ECM2: variants seen among roughly 807,000 people sequenced by gnomAD.
The protein encoded by ECM2 is extracellular matrix protein 2, female organ and adipocyte specific.
In ECM2, 57 loss-of-function variants were observed where a neutral mutation model predicts 67.5. The observed-to-expected ratio is 0.84, with a 90% CI of 0.68 to 1.05. The LOEUF (loss-of-function observed/expected upper bound fraction) is 1.05, where lower values mean the gene tolerates loss of function less well. Ranked by LOEUF, ECM2 falls within the 50% of genes least tolerant of loss-of-function variation. The pLI is 0.00. For synonymous variants in ECM2, 258 were observed against 294.5 expected (o/e 0.88, Z 1.27); for missense variants, 741 against 822.8 (o/e 0.90, Z 1.22).
intron 1 of ECM2, among the ~76,000 whole-genome samples, chr9:92,532,725 A>T (rs1444034926): frequency 6.6e-6 from 1 of 151,828 alleles, no homozygotes; most frequent in Non-Finnish European, 1.5e-5. Context: ...TTTTAATCTC[A>T]TCTTTTATTT....
chr9:92,524,479 A>T (rs537248975), intron 1 of ECM2, among the ~76,000 whole-genome samples: 1 of 152,260 alleles, frequency 6.6e-6, no homozygotes, highest in Non-Finnish European at 1.5e-5. Flanking sequence ...CAAAGGATTC[A>T]CTCAGCCAAT....
intron 1 of ECM2, among the ~76,000 whole-genome samples, chr9:92,526,540 A>G (rs1848420436): frequency 6.6e-6 from 1 of 152,014 alleles, no homozygotes; most frequent in Non-Finnish European, 1.5e-5. Context: ...GCAACAGCAA[A>G]CCAAACCCAA....
the ECM2 span, among the ~76,000 whole-genome samples, chr9:92,550,523 A>T: frequency 3.3e-5 from 5 of 152,078 alleles, no homozygotes; most frequent in Admixed American, 6.5e-5. Context: ...ATGACAATTG[A>T]TATAACAAGT....
rs1170305654 is a variant in ECM2 at position 92,495,696 on chromosome 9, A to C, written c.*619T>G. The C allele has an allele frequency of 1.1e-6, 1 of 891,282 alleles. No individual in the cohort carries two copies. Among genetic ancestry groups the C allele is most frequent in the Non-Finnish European group, 1.3e-6 (1 of 744,628 alleles). 55.2% of individuals were successfully genotyped at this position (891,282 alleles called of 1,614,324 possible). A position where few individuals can be genotyped will look rare whatever the true frequency, so the allele number is the denominator to read the frequency against. On this transcript the variant is annotated 3_prime_UTR_variant, in exon 10 of 10. Transcript: ENST00000344604. ...TCTGCCAGCTTTCCTTAATGTTAAC[A>C]ATGTACATAACCATAATATGATTTT...
chr9:92,542,081 T>C, the ECM2 span, among the ~76,000 whole-genome samples: 7 of 152,180 alleles, frequency 4.6e-5, no homozygotes, highest in Non-Finnish European at 7.3e-5. Context: ...CGTGAGCCAC[T>C]GCACCCAGCC....
chr9:92,500,791 T>C lies in ECM2; in HGVS notation c.1867A>G (p.Ile623Val). 1 of 1,614,242 alleles carries C rather than the reference T, an allele frequency of 6.2e-7. No homozygotes were observed. The highest frequency in any genetic ancestry group is 8.5e-7 in the Non-Finnish European group (1 of 1,180,030). ...LFLDHNDLKS[I>V]PPGIQEMKAL... ...TTCATTTCTTGTATCCCAGGTGGTA[T>C]AGATTTTAAGTCATTGTGATCCAGA... Residue 623 changes from isoleucine to valine, a missense_variant, in exon 9 of 10, where the codon ATA (isoleucine) becomes GTA (valine). By Grantham distance (29) the Ile-to-Val change is conservative. Transcript: ENST00000344604.
intron 2 of ECM2, among the ~76,000 whole-genome samples, chr9:92,521,773 GTGGTTGAAAATTTT>G (rs1848085528): frequency 2.0e-5 from 3 of 152,118 alleles, no homozygotes; most frequent in Admixed American, 2.0e-4. Context: ...AATTCTATTT[GTGGTTGAAAATTTT>G]TGGTTGAAAA....
At chr9:92,517,970 C>A in intron 2 of ECM2, 95 bp from the exon 3 acceptor site, 3 of 1,404,116 alleles carry the variant, frequency 2.1e-6, no homozygotes, top group Non-Finnish European at 3.0e-6. Context: ...ACTGCTCTAA[C>A]CACACAAGAA....
rs1846631216 is a variant in ECM2, at chr9:92,500,901, A to G, written c.1757T>C (p.Leu586Ser). Reference protein sequence around the residue: ...FGHMEPGLEYLYLSFNKLADD... With the variant: ...FGHMEPGLEYSYLSFNKLADD... ...AGCAAGTTTGTTAAATGACAGGTAC[A>G]AGTATTCCAGGCCTGGTTCCATGTG... Residue 586 changes from leucine (L) to serine (S), a missense_variant, in exon 9 of 10, where the codon TTG becomes TCG. Coordinates refer to ENST00000344604, the MANE Select transcript of ECM2 (RefSeq NM_001393.4). The G allele has an allele frequency of 8.1e-6, 13 of 1,614,202 alleles. No individual in the cohort carries two copies. Among genetic ancestry groups the G allele is most frequent in the Non-Finnish European group, 1.1e-5 (13 of 1,180,028 alleles).
chr9:92,504,840 CT>C (rs1412121901), intron 7 of ECM2, among the ~76,000 whole-genome samples: 1 of 152,194 alleles, frequency 6.6e-6, no homozygotes, highest in East Asian at 1.9e-4. Flanking sequence ...CACGGTCCAC[CT>C]CAGTGTTTTT....
intron 3 of ECM2, 70 bp from the exon 4 acceptor site, chr9:92,515,273 A>G: frequency 1.4e-6 from 2 of 1,392,682 alleles, no homozygotes; most frequent in Non-Finnish European, 1.9e-6. Context: ...AACCATAATG[A>G]AAATGAGGTT....
chr9:92,527,012 T>G (rs1419474731), intron 1 of ECM2, among the ~76,000 whole-genome samples: 1 of 150,624 alleles, frequency 6.6e-6, no homozygotes, highest in Non-Finnish European at 1.5e-5. Flanking sequence ...TATTATTTAT[T>G]TATTTATTTA....
At chr9:92,514,583 T>C in intron 4 of ECM2, 48 bp downstream of exon 4, 3 of 1,523,166 alleles carry the variant, frequency 2.0e-6, no homozygotes, top group Non-Finnish European at 2.6e-6. Context: ...CTGCTAAGAG[T>C]CATTTACTTT....
At position 92,514,916 on chromosome 9, in the gene ECM2, C is replaced by A; in HGVS notation, c.769G>T (p.Glu257Ter). The A allele has an allele frequency of 6.2e-7, 1 of 1,613,768 alleles. No homozygotes were observed. Among genetic ancestry groups the A allele is most frequent in the Non-Finnish European group, 8.5e-7 (1 of 1,179,852 alleles). ...GGDRKQRPGEERRLAHQQQRQ... is the reference protein window; with the variant it reads ...GGDRKQRPGE ...TGTTGCTGGTGTGCCAGCCTCCTCT[C>A]CTCTCCAGGCCTCTGCTTTCTGTCT... The change falls in exon 4 of 10, where the codon GAG becomes TAG. Residue 257 changes from glutamate to a stop codon, truncating the protein, a stop_gained. Transcript: ENST00000344604. LOFTEE classifies it high-confidence loss of function.
the ECM2 span, among the ~76,000 whole-genome samples, chr9:92,553,354 T>C: frequency 1.3e-5 from 2 of 152,218 alleles, no homozygotes; most frequent in African/African-American, 4.8e-5. Flanking sequence ...TCTCCAGATT[T>C]GTTCTTTTTG....
intron 1 of ECM2, among the ~76,000 whole-genome samples, chr9:92,528,209 C>A (rs1028218290): frequency 1.3e-5 from 2 of 152,136 alleles, no homozygotes; most frequent in African/African-American, 4.8e-5. Flanking sequence ...AAACATTAAA[C>A]AAAGAGCAGT....
At chr9:92,509,811 A>T in intron 6 of ECM2, 88 bp downstream of exon 6, 1 of 1,338,852 alleles carries the variant, frequency 7.5e-7, no homozygotes, top group Non-Finnish European at 1.0e-6. Flanking sequence ...CTATTTATTC[A>T]TTTGGCAATA....
chr9:92,533,441 C>G (rs1848984373), intron 1 of ECM2, among the ~76,000 whole-genome samples: 1 of 144,142 alleles, frequency 6.9e-6, no homozygotes, highest in Non-Finnish European at 1.5e-5. Context: ...TCTCTCTGTC[C>G]TCCTGAGGCT....
At chr9:92,551,981 GT>G in the ECM2 span, among the ~76,000 whole-genome samples, 10 of 54,786 alleles carry the variant, frequency 1.8e-4, 1 homozygote, top group African/African-American at 6.9e-4. Context: ...ATATATGTGT[GT>G]GTATATATGT....
Sources: allele counts gnomAD v4.1 joint callset (sites outside exome capture counted in the v4.1 genomes callset), GRCh38; gene constraint gnomAD v4.1.1; transcripts MANE v1.5; gene names NCBI Gene and HGNC (gene_info 2026-07-23, HGNC 2026-07-21).